Variants in ATP6V1A observed in about 807,000 individuals in gnomAD.
ATP6V1A encodes V-type proton ATPase catalytic subunit A.
A neutral mutation model predicts 70.1 loss-of-function variants in ATP6V1A; 18 were observed. The observed-to-expected ratio is 0.26, with a 90% CI of 0.18 to 0.38. The LOEUF (loss-of-function observed/expected upper bound fraction) is 0.38. ATP6V1A is among the 10% of genes least tolerant of loss of function. The pLI is 1.00. For synonymous variants in ATP6V1A, 232 were observed against 253.8 expected (o/e 0.91, Z 0.82); for missense variants, 424 against 772.4 (o/e 0.55, Z 5.35).
Position 113,788,815 on chromosome 3 carries a change from C to G in ATP6V1A, c.819C>G (p.Ile273Met). 1 of 1,613,760 alleles carries G rather than the reference C, an allele frequency of 6.2e-7. No homozygotes were observed. Among genetic ancestry groups the G allele is most frequent in the South Asian group, 1.1e-5 (1 of 91,054 alleles). Residue 273 changes from isoleucine to methionine, a missense_variant, in exon 7 of 15, where the codon ATC (isoleucine) becomes ATG (methionine). Coordinates refer to ENST00000273398, the MANE Select transcript of ATP6V1A (RefSeq NM_001690.4). Reference protein sequence around the residue: ...LSKYSNSDVIIYVGCGERGNE... With the variant: ...LSKYSNSDVIMYVGCGERGNE... ...AGTATTCTAACAGTGATGTAATCAT[C>G]TATGTAGGATGTGGTGAAAGAGGAA...
chr3:113,750,973 C>T (rs748649437), intron 1 of ATP6V1A, among the ~76,000 whole-genome samples: 16 of 152,018 alleles, frequency 1.1e-4, no homozygotes, highest in Non-Finnish European at 1.6e-4. Context: ...AAGATAAAGT[C>T]CCTTATTTGG....
At chr3:113,796,617 A>G (rs1477407292) in intron 11 of ATP6V1A, among the ~76,000 whole-genome samples, 1 of 152,188 alleles carries the variant, frequency 6.6e-6, no homozygotes, top group Admixed American at 6.5e-5. Context: ...AAGCCCAAAT[A>G]AAAGATGTGT....
At chr3:113,786,133 A>G (rs753248635) in intron 5 of ATP6V1A, 99 bp from the exon 6 acceptor site, 110 of 1,074,756 alleles carry the variant, frequency 1.0e-4, no homozygotes, top group Non-Finnish European at 1.3e-4. Context: ...ACTTACATGT[A>G]TCACCTTCCT....
At chr3:113,749,745 T>G (rs1475494457) in intron 1 of ATP6V1A, among the ~76,000 whole-genome samples, 1 of 152,190 alleles carries the variant, frequency 6.6e-6, no homozygotes, top group African/African-American at 2.4e-5. Flanking sequence ...CTCAATAAAT[T>G]ATTTATTGAA....
chr3:113,778,319 G>A (rs1387753708), intron 1 of ATP6V1A, among the ~76,000 whole-genome samples: 1 of 152,094 alleles, frequency 6.6e-6, no homozygotes, highest in East Asian at 1.9e-4. Context: ...GCTTGAACTC[G>A]GGAGGCAGAG....
chr3:113,781,234 T>C, intron 3 of ATP6V1A, 56 bp downstream of exon 3: 2 of 1,550,416 alleles, frequency 1.3e-6, no homozygotes, highest in Non-Finnish European at 1.7e-6. Context: ...TTTAAGGATT[T>C]AGGCCAGGCA....
Position 113,784,406 on chromosome 3 carries a change from A to G in ATP6V1A, c.394A>G (p.Lys132Glu). 4.3e-6 allele frequency: 7 copies of G among 1,614,154 alleles called. No homozygotes were observed. Among genetic ancestry groups the G allele is most frequent in the Non-Finnish European group, 5.9e-6 (7 of 1,179,960 alleles). Residue 132 changes from lysine (K) to glutamate (E), a missense_variant, in exon 4 of 15, where the codon AAA (lysine) becomes GAA (glutamate). This residue lies in a region of ATP6V1A where 139 missense variants were observed against 163.5 expected (regional missense o/e 0.85). Coordinates refer to ENST00000273398, the MANE Select transcript of ATP6V1A (RefSeq NM_001690.4). ...VNVSALSRDI[K>E]WDFTPCKNLR... ...CGTGTCTGCTCTTAGCAGAGATATC[A>G]AATGGGACTTTACACCTTGCAAAAA...
In ATP6V1A at chr3:113,786,429, T is replaced by C. The variant is rs1346429382; in HGVS notation, c.716+46T>C. 5 of 1,581,984 alleles carry C rather than the reference T, an allele frequency of 3.2e-6. No individual in the cohort carries two copies. The African/African-American group carries it at 4.1e-5, about 13-fold the overall frequency. ...ACGATTTTCCCTCAGAGTTATTATA[T>C]GTGCTTATGTTTTTATTATCTTTAT... On this transcript the variant is annotated intron_variant, in intron 6 of 14. Coordinates refer to ENST00000273398, the MANE Select transcript of ATP6V1A (RefSeq NM_001690.4).
In ATP6V1A at chr3:113,786,220, G is replaced by A. The variant is rs749547362; in HGVS notation, c.565-12G>A. ...AATTTGACCATACTAAAATCCTACTGTATTTCTATAGGATGTTGTCTTGGA... is the reference window on the plus strand; with the variant it reads ...AATTTGACCATACTAAAATCCTACTATATTTCTATAGGATGTTGTCTTGGA... On this transcript the variant is annotated splice_polypyrimidine_tract_variant and intron_variant, in intron 5 of 14. Transcript: ENST00000273398. The A allele has an allele frequency of 1.3e-6, 2 of 1,596,454 alleles. No individual in the cohort carries two copies. Among genetic ancestry groups the A allele is most frequent in the Admixed American group, 3.4e-5 (2 of 58,324 alleles).
At chr3:113,757,708 G>A (rs1171432640) in intron 1 of ATP6V1A, among the ~76,000 whole-genome samples, 2 of 152,214 alleles carry the variant, frequency 1.3e-5, no homozygotes, top group African/African-American at 4.8e-5. Context: ...TGCCCACACA[G>A]CCTTATCCAG....
chr3:113,772,039 A>T (rs767757329), intron 1 of ATP6V1A, among the ~76,000 whole-genome samples: 19 of 152,220 alleles, frequency 1.2e-4, no homozygotes, highest in Non-Finnish European at 2.4e-4. Context: ...AGTTGGGCAG[A>T]GGAAGAAGTT....
chr3:113,749,742 A>T (rs751084599), intron 1 of ATP6V1A, among the ~76,000 whole-genome samples: 1 of 152,204 alleles, frequency 6.6e-6, no homozygotes, highest in Non-Finnish European at 1.5e-5. Flanking sequence ...GTACTCAATA[A>T]ATTATTTATT....
At position 113,810,622 on chromosome 3, in the gene ATP6V1A, T is replaced by G. The variant is rs1172143610; in HGVS notation, c.*1195T>G. 6.6e-6 allele frequency: 1 copy of G among 152,198 alleles called. No individual in the cohort carries two copies. Among genetic ancestry groups the G allele is most frequent in the Non-Finnish European group, 1.5e-5 (1 of 68,032 alleles). 9.4% of individuals were successfully genotyped at this position (152,198 alleles called of 1,614,324 possible). ...CTTAAACATCTTGGAAGCCTAAGCT[T>G]CTGAGAATCATGTGGCAAGTGTGAT... On this transcript the variant is annotated 3_prime_UTR_variant, in exon 15 of 15. Transcript: ENST00000273398.
chr3:113,772,933 C>CTTTTTTTTTTTTTTTTTTTTTT lies in ATP6V1A; in HGVS notation c.-13-5807_-13-5786dup, dbSNP rs762901487. Among the ~76,000 whole-genome samples the CTTTTTTTTTTTTTTTTTTTTTT allele has an allele frequency of 3.3e-5, 3 of 90,428 alleles. 1 individual carries two copies. The highest frequency in any genetic ancestry group is 1.3e-4 in the African/African-American group (3 of 22,316). The allele number at this position is 90,428 out of a possible 152,430, so 59.3% of individuals were successfully genotyped here. A position where few individuals can be genotyped will look rare whatever the true frequency, so the allele number is the denominator to read the frequency against. On this transcript the variant is annotated intron_variant, in intron 1 of 14. Coordinates refer to ENST00000273398, the MANE Select transcript of ATP6V1A (RefSeq NM_001690.4). The stretch of plus-strand genomic sequence containing the variant: ...CATTTTTTTCTCCACTTAATATTGG[C>CTTTTTTTTTTTTTTTTTTTTTT]TTTTTTTTTTTTTTTTTTTTTTGAG...
chr3:113,803,531 A>G lies in ATP6V1A; in HGVS notation c.1495-52A>G, dbSNP rs956298663. 8.9e-6 allele frequency: 12 copies of G among 1,341,588 alleles called. 1 individual carries two copies. Among genetic ancestry groups the G allele is most frequent in the Middle Eastern group, 4.4e-4 (2 of 4,506 alleles). 83.1% of individuals were successfully genotyped at this position (1,341,588 alleles called of 1,614,324 possible). A position where few individuals can be genotyped will look rare whatever the true frequency, so the allele number is the denominator to read the frequency against. On this transcript the variant is annotated intron_variant, in intron 12 of 14. Coordinates refer to ENST00000273398, the MANE Select transcript of ATP6V1A (RefSeq NM_001690.4). ...TTCTGCTTGTTAATTAATTGCCACCATCAATCTTACATTTTAGAGTAAATG... is the reference window on the plus strand; with the variant it reads ...TTCTGCTTGTTAATTAATTGCCACCGTCAATCTTACATTTTAGAGTAAATG...
At chr3:113,789,590 G>A in intron 7 of ATP6V1A, 142 bp from the exon 8 acceptor site, 1 of 568,258 alleles carries the variant, frequency 1.8e-6, no homozygotes, top group Non-Finnish European at 3.1e-6. Context: ...AGAGGTTGGA[G>A]TGGTGGGGAA....
At chr3:113,755,778 G>C (rs889681528) in intron 1 of ATP6V1A, among the ~76,000 whole-genome samples, 1 of 152,114 alleles carries the variant, frequency 6.6e-6, no homozygotes. Flanking sequence ...ATTCATACAA[G>C]TGTGTTTTCT....
intron 1 of ATP6V1A, among the ~76,000 whole-genome samples, chr3:113,774,593 C>T (rs1708886951): frequency 6.6e-6 from 1 of 152,106 alleles, no homozygotes; most frequent in Admixed American, 6.5e-5. Flanking sequence ...GTGGGCAGAT[C>T]ACTTGAGGTC....
At chr3:113,798,500 C>T in intron 12 of ATP6V1A, 54 bp downstream of exon 12, 1 of 1,555,058 alleles carries the variant, frequency 6.4e-7, no homozygotes, top group Non-Finnish European at 8.9e-7. Flanking sequence ...TGGGGTGTTT[C>T]AAGGACAGAT....
Sources: allele counts gnomAD v4.1 joint callset (sites outside exome capture counted in the v4.1 genomes callset), GRCh38; gene constraint gnomAD v4.1.1; regional missense constraint gnomAD v4.1.1; transcripts MANE v1.5; gene names NCBI Gene and HGNC (gene_info 2026-07-23, HGNC 2026-07-21).